TOX: variants seen among roughly 807,000 people sequenced by gnomAD.
The protein encoded by TOX is thymocyte selection associated high mobility group box.
In TOX, 11 loss-of-function variants were observed where a neutral mutation model predicts 53.7. That is an observed-to-expected ratio of 0.20 (90% CI 0.13 to 0.34). The LOEUF is 0.34. Among genes scored for constraint, TOX ranks in the 10% least tolerant of loss-of-function variants. The pLI is 1.00. For missense variants in TOX, 570 were observed against 664.6 expected (o/e 0.86, Z 1.56); for synonymous variants, 225 against 245.3 (o/e 0.92, Z 0.77).
rs142362441 is a variant in TOX at position 58,944,185 on chromosome 8, C to T, written c.169-4641G>A. The stretch of plus-strand genomic sequence containing the variant: ...CTCTTGTGTTCCAGCGCAAGAGGCA[C>T]TGTGCATCACTCTGCGGATGGGAAG... On this transcript the variant is annotated intron_variant, in intron 2 of 8. Coordinates refer to ENST00000361421, the MANE Select transcript of TOX (RefSeq NM_014729.3). Among the ~76,000 whole-genome samples the T allele has an allele frequency of 4.5e-3, 689 of 152,256 alleles. 5 individuals carry two copies. Among genetic ancestry groups the T allele is most frequent in the Non-Finnish European group, 6.4e-3 (432 of 68,024 alleles).
chr8:59,014,343 C>CT (rs1813969383), intron 1 of TOX, among the ~76,000 whole-genome samples: 1 of 152,204 alleles, frequency 6.6e-6, no homozygotes, highest in African/African-American at 2.4e-5. Flanking sequence ...TGGACGCCTC[C>CT]TCGTAAAATT....
intron 3 of TOX, among the ~76,000 whole-genome samples, chr8:58,912,427 CTCTT>C (rs1811924071): frequency 6.6e-6 from 1 of 152,118 alleles, no homozygotes; most frequent in Admixed American, 6.5e-5. Context: ...TTACATTTTT[CTCTT>C]TCTATTTTTC....
chr8:59,080,728 TC>T (rs1395090604), intron 1 of TOX, among the ~76,000 whole-genome samples: 2 of 152,184 alleles, frequency 1.3e-5, no homozygotes, highest in Non-Finnish European at 2.9e-5. Context: ...TGTGGCACCT[TC>T]CCCCCGACCC....
chr8:59,112,823 A>G (rs1309876729), intron 1 of TOX, among the ~76,000 whole-genome samples: 3 of 152,218 alleles, frequency 2.0e-5, no homozygotes, highest in Non-Finnish European at 4.4e-5. Flanking sequence ...TGATAAAAGT[A>G]TGAATTTTAT....
intron 1 of TOX, among the ~76,000 whole-genome samples, chr8:59,076,477 AT>A (rs1242407958): frequency 3.9e-5 from 6 of 152,248 alleles, no homozygotes; most frequent in Non-Finnish European, 7.4e-5. Flanking sequence ...TAACTACTTA[AT>A]TTTTTTTAAA....
rs1391634046 is a variant in TOX at position 58,939,339 on chromosome 8, C to T, written c.374G>A (p.Gly125Asp). Residue 125 changes from glycine to aspartate, a missense_variant, in exon 3 of 9, where the codon GGC (glycine) becomes GAC (aspartate). This residue lies in a region of TOX where 282 missense variants were observed against 315.0 expected (regional missense o/e 0.90). Transcript: ENST00000361421. ...LPEITVSNML[G>D]QDGTLLSNSI... The stretch of plus-strand genomic sequence containing the variant: ...ATTAGAAAGCAGTGTTCCATCCTGG[C>T]CCAGCATATTGGAGACTGTGATTTC... 2 of 1,613,956 alleles carry T rather than the reference C, an allele frequency of 1.2e-6. No homozygotes were observed. The highest frequency in any genetic ancestry group is 1.3e-5 in the African/African-American group (1 of 74,882).
intron 3 of TOX, among the ~76,000 whole-genome samples, chr8:58,903,611 A>G (rs1021806833): frequency 5.3e-5 from 8 of 152,154 alleles, no homozygotes; most frequent in Non-Finnish European, 1.2e-4. Context: ...TCCAAGTTTA[A>G]TAAGGGATCT....
chr8:59,111,082 T>C (rs749835499), intron 1 of TOX, among the ~76,000 whole-genome samples: 5 of 152,122 alleles, frequency 3.3e-5, no homozygotes, highest in Non-Finnish European at 5.9e-5. Flanking sequence ...GGATTAAAGG[T>C]TTTAGTGTCA....
chr8:59,051,463 G>A (rs115257510), intron 1 of TOX, among the ~76,000 whole-genome samples: 219 of 152,008 alleles, frequency 1.4e-3, no homozygotes, highest in African/African-American at 4.9e-3. Flanking sequence ...TTAAAATTGC[G>A]CCAGAAATCT....
At chr8:58,954,169 A>G (rs563892352) in intron 2 of TOX, among the ~76,000 whole-genome samples, 2 of 152,256 alleles carry the variant, frequency 1.3e-5, no homozygotes, top group African/African-American at 2.4e-5. Flanking sequence ...TAACTCTTTG[A>G]GTCTTGTACT....
chr8:58,892,033 G>C (rs1811568377), intron 3 of TOX, among the ~76,000 whole-genome samples: 1 of 152,040 alleles, frequency 6.6e-6, no homozygotes. Flanking sequence ...GACTGATATT[G>C]TGTGAGAGGG....
intron 7 of TOX, among the ~76,000 whole-genome samples, chr8:58,810,257 G>T (rs1224533547): frequency 1.3e-5 from 2 of 152,078 alleles, no homozygotes; most frequent in Non-Finnish European, 2.9e-5. Flanking sequence ...TCTTACCTTG[G>T]TCTCCCAAAG....
At chr8:58,818,221 C>A (rs1810212548) in intron 6 of TOX, among the ~76,000 whole-genome samples, 1 of 152,124 alleles carries the variant, frequency 6.6e-6, no homozygotes, top group South Asian at 2.1e-4. Flanking sequence ...GACCAGTCCC[C>A]CTCAACCTAC....
intron 1 of TOX, among the ~76,000 whole-genome samples, chr8:59,070,544 C>T (rs912074219): frequency 1.3e-5 from 2 of 150,138 alleles, no homozygotes; most frequent in Admixed American, 1.3e-4. Flanking sequence ...CACACACACA[C>T]ACACAGGGAG....
chr8:58,974,848 G>A (rs947652803), intron 1 of TOX, among the ~76,000 whole-genome samples: 1 of 151,992 alleles, frequency 6.6e-6, no homozygotes, highest in Non-Finnish European at 1.5e-5. Context: ...AAAATCATTA[G>A]TATTCTGAGT....
chr8:59,115,242 C>T (rs1266901730), intron 1 of TOX, among the ~76,000 whole-genome samples: 1 of 151,974 alleles, frequency 6.6e-6, no homozygotes, highest in Non-Finnish European at 1.5e-5. Flanking sequence ...TTAGCCATGT[C>T]ATAACATAAT....
In TOX at chr8:58,959,985, C is replaced by T. The variant is rs1812774511; in HGVS notation, c.126G>A (p.Met42Ile). Residue 42 changes from methionine (M) to isoleucine (I), a missense_variant, in exon 2 of 9, where the codon ATG becomes ATA. Physicochemically the swap from Met to Ile is conservative, Grantham distance 10. Around this residue, in one of 3 missense-constraint regions of TOX, gnomAD observed 282 missense variants for 315.0 expected, o/e 0.90. Coordinates refer to ENST00000361421, the MANE Select transcript of TOX (RefSeq NM_014729.3). ...CNKFDGENMY[M>I]SMTEPSQDYV... ...AGTCCTGGCTCGGCTCTGTCATGCT[C>T]ATATACATGTTCTCACCGTCAAACT... is the stretch of plus-strand genomic sequence containing the variant. 6.2e-7 allele frequency: 1 copy of T among 1,614,200 alleles called. No homozygotes were observed. Among genetic ancestry groups the T allele is most frequent in the Non-Finnish European group, 8.5e-7 (1 of 1,180,032 alleles).
intron 1 of TOX, among the ~76,000 whole-genome samples, chr8:59,083,872 A>T (rs917907681): frequency 6.6e-6 from 1 of 152,208 alleles, no homozygotes; most frequent in African/African-American, 2.4e-5. Flanking sequence ...TTCAGGAACA[A>T]GCCTCAGTGA....
chr8:58,899,414 T>G (rs2129172644), intron 3 of TOX, among the ~76,000 whole-genome samples: 1 of 152,350 alleles, frequency 6.6e-6, no homozygotes, highest in Admixed American at 6.5e-5. Flanking sequence ...ATAAGTGCTT[T>G]GAGACTTGCT....
Sources: gnomAD v4.1 joint callset for allele counts (sites outside exome capture counted in the v4.1 genomes callset) on GRCh38, gnomAD v4.1.1 for gene constraint, gnomAD v4.1.1 regional missense constraint, MANE v1.5 for transcripts, NCBI Gene and HGNC (gene_info 2026-07-23, HGNC 2026-07-21) for gene names.